The following CDH11 variants were observed in gnomAD, a reference collection of about 807,000 sequenced individuals.
CDH11 encodes cadherin 11, also known as cadherin-11.
Under a neutral mutation model 67.8 loss-of-function variants are expected in CDH11, and 11 were observed. The observed-to-expected ratio is 0.16, with a 90% CI of 0.10 to 0.27. The LOEUF (loss-of-function observed/expected upper bound fraction) is 0.27, where lower values mean the gene tolerates loss of function less well. CDH11 is among the 10% of genes least tolerant of loss of function. The pLI is 1.00. For synonymous variants in CDH11, 419 were observed against 400.0 expected (o/e 1.05, Z -0.57); for missense variants, 847 against 1,031.2 (o/e 0.82, Z 2.45).
At chr16:65,107,274 T>C (rs1338073582) in intron 1 of CDH11, among the ~76,000 whole-genome samples, 3 of 152,248 alleles carry the variant, frequency 2.0e-5, no homozygotes, top group Non-Finnish European at 4.4e-5. Context: ...TTGATTTGCA[T>C]ATTTTATAAA....
intron 1 of CDH11, among the ~76,000 whole-genome samples, chr16:65,104,524 G>A (rs1597200669): frequency 6.6e-6 from 1 of 152,116 alleles, no homozygotes; most frequent in African/African-American, 2.4e-5. Flanking sequence ...GTCATCCCAA[G>A]GTAGAGAGAA....
intron 1 of CDH11, among the ~76,000 whole-genome samples, chr16:65,085,090 T>C (rs1204862652): frequency 6.6e-6 from 1 of 152,166 alleles, no homozygotes; most frequent in Non-Finnish European, 1.5e-5. Context: ...TTTGTAATTT[T>C]AGTAGAGACA....
chr16:65,111,679 A>ACACACT (rs1471271564), intron 1 of CDH11, among the ~76,000 whole-genome samples: 1 of 146,470 alleles, frequency 6.8e-6, no homozygotes, highest in Non-Finnish European at 1.5e-5. Flanking sequence ...CTAGAAACAC[A>ACACACT]CACACACACA....
At chr16:65,102,251 A>T (rs2075003379) in intron 1 of CDH11, among the ~76,000 whole-genome samples, 1 of 152,172 alleles carries the variant, frequency 6.6e-6, no homozygotes, top group Non-Finnish European at 1.5e-5. Flanking sequence ...TTGAAAATCC[A>T]TTTCTGCACT....
chr16:65,065,194 G>A (rs1343841257), intron 1 of CDH11, among the ~76,000 whole-genome samples: 1 of 152,110 alleles, frequency 6.6e-6, no homozygotes, highest in Non-Finnish European at 1.5e-5. Flanking sequence ...CAGGAAAGTA[G>A]GTCTTCACAA....
At chr16:65,034,513 G>A (rs1003553161) in intron 2 of CDH11, among the ~76,000 whole-genome samples, 14 of 152,104 alleles carry the variant, frequency 9.2e-5, no homozygotes, top group African/African-American at 3.4e-4. Flanking sequence ...ATGAGTACTA[G>A]GTTCAAAGCC....
chr16:65,098,743 T>C (rs2074941134), intron 1 of CDH11, among the ~76,000 whole-genome samples: 2 of 152,166 alleles, frequency 1.3e-5, no homozygotes, highest in East Asian at 3.9e-4. Flanking sequence ...AAATGCCTAT[T>C]ACTTAAGATA....
At chr16:65,045,663 G>A (rs2073950552) in intron 2 of CDH11, among the ~76,000 whole-genome samples, 2 of 152,072 alleles carry the variant, frequency 1.3e-5, no homozygotes, top group Admixed American at 6.6e-5. Flanking sequence ...GAAAGGAAAT[G>A]TTAATTCTGT....
intron 8 of CDH11, among the ~76,000 whole-genome samples, chr16:64,976,625 T>C (rs35220): frequency 0.73 from 111,569 of 152,054 alleles, 42,664 homozygotes; most frequent in East Asian, 0.99. Context: ...GAGGCCAAGG[T>C]GGGCGGATCA....
In CDH11 at chr16:65,066,776, G is replaced by A. The variant is rs577676386; in HGVS notation, c.-297-12848C>T. Among the ~76,000 whole-genome samples, 4 of 152,202 alleles carry A rather than the reference G, an allele frequency of 2.6e-5. No individual in the cohort carries two copies. In the East Asian group the frequency reaches 7.7e-4, roughly 29 times the overall value. ...CTGCCTGCTCCTCCAGTCCCTGTGAGGTTATGAAAAGCAGAAACTCTGTCA... is the reference window on the plus strand; with the variant it reads ...CTGCCTGCTCCTCCAGTCCCTGTGAAGTTATGAAAAGCAGAAACTCTGTCA... On this transcript the variant is annotated intron_variant, in intron 1 of 12. Coordinates refer to ENST00000268603, the MANE Select transcript of CDH11 (RefSeq NM_001797.4).
At chr16:65,093,352 A>G (rs1208212814) in intron 1 of CDH11, among the ~76,000 whole-genome samples, 1 of 151,744 alleles carries the variant, frequency 6.6e-6, no homozygotes, top group African/African-American at 2.4e-5. Context: ...CATGCAAACA[A>G]TGAGGCTAAA....
intron 2 of CDH11, among the ~76,000 whole-genome samples, chr16:65,014,174 A>C (rs1361747441): frequency 5.9e-5 from 9 of 152,242 alleles, no homozygotes; most frequent in Non-Finnish European, 1.0e-4. Flanking sequence ...AGGAGAAACA[A>C]GAAACCAATA....
chr16:65,081,085 TATACA>T (rs1266139613), intron 1 of CDH11, among the ~76,000 whole-genome samples: 15 of 152,358 alleles, frequency 9.8e-5, no homozygotes. Context: ...ATATGTTGAA[TATACA>T]ATAATCGTTA....
intron 2 of CDH11, among the ~76,000 whole-genome samples, chr16:65,031,178 G>A (rs1357911412): frequency 1.3e-5 from 2 of 152,210 alleles, no homozygotes; most frequent in African/African-American, 4.8e-5. Flanking sequence ...TCAGAATGCA[G>A]CACTCACAGA....
rs3046001 is a variant in CDH11 at position 64,945,301 on chromosome 16, TAAAAAAAAAAAA to T, written c.*2290_*2301del. 1 of 371,902 alleles carries T rather than the reference TAAAAAAAAAAAA, an allele frequency of 2.7e-6. No individual in the cohort carries two copies. The highest frequency in any genetic ancestry group is 2.5e-5 in the African/African-American group (1 of 39,596). The allele number at this position is 371,902 out of a possible 1,614,324, so 23.0% of individuals were successfully genotyped here. A position where few individuals can be genotyped will look rare whatever the true frequency, so the allele number is the denominator to read the frequency against. On this transcript the variant is annotated 3_prime_UTR_variant, in exon 13 of 13. Transcript: ENST00000268603. ...AGAGGCTTAACGAAAAAATAAAAGGTAAAAAAAAAAAAAAAAAAGAAAAAGAAAAACAAGTAT... is the reference window on the plus strand; with the variant it reads ...AGAGGCTTAACGAAAAAATAAAAGGTAAAAAAGAAAAAGAAAAACAAGTAT...
intron 2 of CDH11, among the ~76,000 whole-genome samples, chr16:65,038,308 C>G (rs931568329): frequency 2.6e-5 from 4 of 152,060 alleles, no homozygotes; most frequent in African/African-American, 9.7e-5. Context: ...CCACTGTCTG[C>G]TAGGGAAGAA....
chr16:64,973,930 T>C (rs1047784522), intron 8 of CDH11, among the ~76,000 whole-genome samples: 1 of 152,220 alleles, frequency 6.6e-6, no homozygotes, highest in Non-Finnish European at 1.5e-5. Context: ...CAAAGTAAGC[T>C]TGGCCATTTA....
chr16:65,067,216 C>T (rs906450029), intron 1 of CDH11, among the ~76,000 whole-genome samples: 6 of 149,958 alleles, frequency 4.0e-5, no homozygotes, highest in Admixed American at 6.6e-5. Flanking sequence ...AAAAGAGAAA[C>T]GACGAATCCA....
chr16:64,994,318 C>G (rs937134768), intron 4 of CDH11, among the ~76,000 whole-genome samples: 1 of 152,148 alleles, frequency 6.6e-6, no homozygotes, highest in East Asian at 1.9e-4. Flanking sequence ...ATTTTAAATG[C>G]TTAATTTCCT....
Sources: gnomAD v4.1 joint callset for allele counts (sites outside exome capture counted in the v4.1 genomes callset) on GRCh38, gnomAD v4.1.1 for gene constraint, MANE v1.5 for transcripts, NCBI Gene and HGNC (gene_info 2026-07-23, HGNC 2026-07-21) for gene names.